Variants in IQSEC1 observed in about 807,000 individuals in gnomAD.
IQSEC1 encodes the protein IQ motif and SEC7 domain-containing protein 1.
IQSEC1 carries 31 observed loss-of-function variants against 91.0 expected under a neutral mutation model. The ratio of observed to expected loss-of-function variants is 0.34; its 90% CI spans 0.26 to 0.46. The LOEUF (loss-of-function observed/expected upper bound fraction) is 0.46, where lower values mean the gene tolerates loss of function less well. IQSEC1 is among the 20% of genes least tolerant of loss of function. The probability of loss-of-function intolerance (pLI) is 1.00; values close to 1 mark genes in which losing one functional copy is unlikely to be tolerated. For missense variants in IQSEC1, 1,388 were observed against 1,575.6 expected, an observed-to-expected ratio of 0.88 and a Z score of 2.02; for synonymous variants, 699 against 662.6, an observed-to-expected ratio of 1.05 and a Z score of -0.84.
chr3:13,171,324 G>A (rs1041929788), intron 1 of IQSEC1, among the ~76,000 whole-genome samples: 1 of 152,170 alleles, frequency 6.6e-6, no homozygotes, highest in African/African-American at 2.4e-5. Flanking sequence ...CTTCCTAAAC[G>A]CTGTAATTGA....
intron 2 of IQSEC1, among the ~76,000 whole-genome samples, chr3:13,139,969 C>T (rs552342543): frequency 1.2e-4 from 19 of 152,332 alleles, no homozygotes; most frequent in African/African-American, 3.4e-4. Context: ...AACAAGATTG[C>T]TCAGATTCTC....
At chr3:12,916,517 A>G (rs568267884) in intron 6 of IQSEC1, among the ~76,000 whole-genome samples, 20 of 152,314 alleles carry the variant, frequency 1.3e-4, no homozygotes, top group African/African-American at 3.6e-4. Context: ...CATCCGCCAG[A>G]CTGCAGTCCA....
At chr3:13,053,110 T>A in intron 1 of IQSEC1, 1 of 896,832 alleles carries the variant, frequency 1.1e-6, no homozygotes, top group Non-Finnish European at 1.9e-6. Flanking sequence ...CTGAAAGTCT[T>A]GTGAGAAGAC....
In IQSEC1 at chr3:13,046,251, T is replaced by G. The variant is rs147020635; in HGVS notation, c.23+26741A>C. 2.1e-4 allele frequency among the ~76,000 whole-genome samples: 32 copies of G among 152,366 alleles called. No homozygotes were observed. The East Asian group carries it at 5.2e-3, about 25-fold the overall frequency. ...TCACAAAGCAAAGGAAGTACTGTTA[T>G]GATGATATGTGGGTGTGACTGTGGA... On this transcript the variant is annotated intron_variant, in intron 1 of 13. Transcript: ENST00000613206.
intron 1 of IQSEC1, among the ~76,000 whole-genome samples, chr3:13,278,235 A>T (rs1695726166): frequency 6.6e-6 from 1 of 150,962 alleles, no homozygotes; most frequent in African/African-American, 2.4e-5. Context: ...GAGGCAGGCC[A>T]CTCCACTGGG....
At chr3:13,233,174 T>G (rs947668379) in intron 1 of IQSEC1, among the ~76,000 whole-genome samples, 1 of 152,106 alleles carries the variant, frequency 6.6e-6, no homozygotes, top group African/African-American at 2.4e-5. Flanking sequence ...TCACGTGAGG[T>G]GCTCATTAGA....
intron 1 of IQSEC1, among the ~76,000 whole-genome samples, chr3:12,960,105 G>GTATA (rs1700152752): frequency 6.6e-6 from 1 of 152,160 alleles, no homozygotes; most frequent in Non-Finnish European, 1.5e-5. Context: ...CACTGCAATG[G>GTATA]TATAACGATG....
chr3:13,094,754 G>A (rs905591714), intron 2 of IQSEC1, among the ~76,000 whole-genome samples: 1 of 152,132 alleles, frequency 6.6e-6, no homozygotes, highest in Admixed American at 6.6e-5. Context: ...CAGCAGCCAC[G>A]AGCTCCGGGA....
In IQSEC1 at chr3:12,920,578, G is replaced by C. The variant is rs1210534529; in HGVS notation, c.1872C>G (p.Cys624Trp). 6.2e-7 allele frequency: 1 copy of C among 1,613,858 alleles called. No homozygotes were observed. The highest frequency in any genetic ancestry group is 1.3e-5 in the African/African-American group (1 of 74,924). Reference protein sequence around the residue: ...IEAFSQRYCICNPGVVRQFRN... With the variant: ...IEAFSQRYCIWNPGVVRQFRN... ...GGAATTGCCGCACCACCCCAGGGTT[G>C]CAGATGCAGTAGCGCTGGCTGCGGG... The change falls in exon 6 of 14, where the codon TGC becomes TGG. Residue 624 changes from cysteine (C) to tryptophan (W), a missense_variant. By Grantham distance (215) the Cys-to-Trp change is radical. This residue lies in a region of IQSEC1 where 1,059 missense variants were observed against 1,317.8 expected (regional missense o/e 0.80). Transcript: ENST00000613206.
intron 3 of IQSEC1, among the ~76,000 whole-genome samples, chr3:12,929,309 T>A (rs1279834031): frequency 1.3e-5 from 2 of 152,176 alleles, no homozygotes; most frequent in Non-Finnish European, 2.9e-5. Flanking sequence ...AGGCCTGGGC[T>A]AGAAGAACTC....
intron 2 of IQSEC1, among the ~76,000 whole-genome samples, chr3:13,099,665 A>G (rs1460843773): frequency 6.6e-6 from 1 of 152,198 alleles, no homozygotes; most frequent in Non-Finnish European, 1.5e-5. Context: ...TCTGGGTTTT[A>G]GGAAAACAGC....
chr3:13,231,816 AT>A (rs1236478641), intron 1 of IQSEC1, among the ~76,000 whole-genome samples: 1 of 152,188 alleles, frequency 6.6e-6, no homozygotes, highest in African/African-American at 2.4e-5. Context: ...AAGTTGGACT[AT>A]TTTTATTTTG....
intron 2 of IQSEC1, among the ~76,000 whole-genome samples, chr3:13,144,875 C>T (rs896252380): frequency 3.3e-5 from 5 of 152,196 alleles, no homozygotes; most frequent in Non-Finnish European, 7.3e-5. Flanking sequence ...TGGGCCGAAG[C>T]GAATCCACAG....
Position 12,967,428 on chromosome 3 carries a change from C to G in IQSEC1, c.24-25563G>C, listed in dbSNP as rs1276229413. ...GCTCCAGAAGGGACTGGGTCCTCTC[C>G]GAGTTGCAGTGCAGGCACCACATGG... On this transcript the variant is annotated intron_variant, in intron 1 of 13. Transcript: ENST00000613206. The surrounding 1 kb of genome is among the most constrained non-coding windows in gnomAD (Gnocchi z 5.9). The G allele has an allele frequency of 1.3e-6, 2 of 1,534,222 alleles. No individual in the cohort carries two copies. Among genetic ancestry groups the G allele is most frequent in the Non-Finnish European group, 1.7e-6 (2 of 1,144,516 alleles).
intron 2 of IQSEC1, among the ~76,000 whole-genome samples, chr3:13,157,311 GAAAACAAATC>G (rs1227530228): frequency 1.3e-5 from 2 of 152,178 alleles, no homozygotes; most frequent in Admixed American, 1.3e-4. Flanking sequence ...CAAGTTCACA[GAAAACAAATC>G]AAAACGCAAA....
chr3:13,133,688 G>C (rs1161310030), intron 2 of IQSEC1, among the ~76,000 whole-genome samples: 3 of 152,232 alleles, frequency 2.0e-5, no homozygotes, highest in Admixed American at 6.5e-5. Context: ...ATGACTCTGG[G>C]ATGCTCGGGT....
rs2125581290 is a variant in IQSEC1 at position 12,979,736 on chromosome 3, G to A, written c.24-37871C>T. Among the ~76,000 whole-genome samples, 1 of 152,196 alleles carries A rather than the reference G, an allele frequency of 6.6e-6. No homozygotes were observed. The highest frequency in any genetic ancestry group is 2.1e-4 in the South Asian group (1 of 4,828). ...CCCTCCTGTCTGATGTCATCAGAAG[G>A]GCGGAAAGAGCACCGGAAGGAGAAC... On this transcript the variant is annotated intron_variant, in intron 1 of 13. Transcript: ENST00000613206. The surrounding 1 kb of genome is among the most constrained non-coding windows in gnomAD (Gnocchi z 4.3).
At chr3:12,975,211 A>G (rs1194763777) in intron 1 of IQSEC1, among the ~76,000 whole-genome samples, 4 of 152,224 alleles carry the variant, frequency 2.6e-5, no homozygotes, top group Non-Finnish European at 5.9e-5. Flanking sequence ...TACGGGGGCA[A>G]AAGTGCAAGA....
intron 1 of IQSEC1, among the ~76,000 whole-genome samples, chr3:12,965,895 TC>T (rs1700532047): frequency 6.6e-6 from 1 of 152,160 alleles, no homozygotes; most frequent in Non-Finnish European, 1.5e-5. Flanking sequence ...GGACAAAGAC[TC>T]CATGTTTTGT....
Sources: allele counts gnomAD v4.1 joint callset (sites outside exome capture counted in the v4.1 genomes callset), GRCh38; gene constraint gnomAD v4.1.1; regional missense constraint gnomAD v4.1.1; non-coding constraint Gnocchi (gnomAD v3.1); transcripts MANE v1.5; gene names NCBI Gene and HGNC (gene_info 2026-07-23, HGNC 2026-07-21).